Variants in COL26A1 observed in about 807,000 individuals in gnomAD.
COL26A1 encodes the protein collagen alpha-1(XXVI) chain.
Under a neutral mutation model 59.3 loss-of-function variants are expected in COL26A1, and 41 were observed. The observed-to-expected ratio is 0.69, with a 90% CI of 0.54 to 0.90. The LOEUF (loss-of-function observed/expected upper bound fraction) is 0.90, where lower values mean the gene tolerates loss of function less well. Ranked by LOEUF, COL26A1 falls within the 40% of genes least tolerant of loss-of-function variation. The pLI, the probability that COL26A1 is intolerant of heterozygous loss-of-function variation, is 0.00. For missense variants in COL26A1, 612 were observed against 602.3 expected (o/e 1.02, Z -0.17); for synonymous variants, 266 against 256.0 (o/e 1.04, Z -0.37).
At chr7:101,519,488 G>GGT (rs1795096225) in intron 3 of COL26A1, among the ~76,000 whole-genome samples, 1 of 152,120 alleles carries the variant, frequency 6.6e-6, no homozygotes, top group South Asian at 2.1e-4. Context: ...AGAGGCTGCC[G>GGT]GGCCCTGCTG....
At chr7:101,405,553 A>G (rs6956534) in intron 1 of COL26A1, among the ~76,000 whole-genome samples, 3 of 151,560 alleles carry the variant, frequency 2.0e-5, no homozygotes, top group African/African-American at 7.3e-5. Flanking sequence ...CTAAATCCTG[A>G]TTGTCCCTGA....
At chr7:101,469,902 C>G (rs1793853276) in intron 3 of COL26A1, among the ~76,000 whole-genome samples, 1 of 152,090 alleles carries the variant, frequency 6.6e-6, no homozygotes, top group Admixed American at 6.6e-5. Flanking sequence ...ACTTGAGTAG[C>G]AGCCAACTGG....
rs1639347756 is a variant in COL26A1, at chr7:101,489,605, CTTTCTT to C, written c.385+41820_385+41825del. Among the ~76,000 whole-genome samples the C allele has an allele frequency of 1.1e-4, 3 of 28,112 alleles. 1 individual carries two copies. The highest frequency in any genetic ancestry group is 6.9e-4 in the African/African-American group (2 of 2,892). 18.4% of individuals were successfully genotyped at this position (28,112 alleles called of 152,430 possible). A position where few individuals can be genotyped will look rare whatever the true frequency, so the allele number is the denominator to read the frequency against. On this transcript the variant is annotated intron_variant, in intron 3 of 12. Transcript: ENST00000313669. ...ACACTCGGCTATTTTCTTTCTTTTTCTTTCTTTCTTTCTTTCTTTCTTTCTTTCTTT... is the reference window on the plus strand; with the variant it reads ...ACACTCGGCTATTTTCTTTCTTTTTCTCTTTCTTTCTTTCTTTCTTTCTTT...
At chr7:101,468,830 C>T (rs1039588228) in intron 3 of COL26A1, among the ~76,000 whole-genome samples, 1 of 152,200 alleles carries the variant, frequency 6.6e-6, no homozygotes, top group South Asian at 2.1e-4. Context: ...AAGCCCTTGG[C>T]GCTCAGCTGA....
At chr7:101,412,417 G>C (rs901240675) in intron 1 of COL26A1, among the ~76,000 whole-genome samples, 1 of 152,104 alleles carries the variant, frequency 6.6e-6, no homozygotes, top group African/African-American at 2.4e-5. Context: ...GGCCCAGGCG[G>C]GCAGATCATT....
intron 1 of COL26A1, among the ~76,000 whole-genome samples, chr7:101,407,132 T>A (rs948791999): frequency 6.6e-6 from 1 of 152,066 alleles, no homozygotes. Context: ...GGGCAGCCCA[T>A]TGCACTTGTG....
chr7:101,538,470 CCT>C (rs1383236197), intron 4 of COL26A1, among the ~76,000 whole-genome samples: 1 of 152,228 alleles, frequency 6.6e-6, no homozygotes, highest in Non-Finnish European at 1.5e-5. Flanking sequence ...AGTCTCTGAG[CCT>C]CTGTCTCCAC....
chr7:101,365,245 T>C (rs978000290), intron 1 of COL26A1, among the ~76,000 whole-genome samples: 1 of 152,094 alleles, frequency 6.6e-6, no homozygotes, highest in African/African-American at 2.4e-5. Flanking sequence ...TACAGAATAA[T>C]ATATACAGCA....
At chr7:101,553,214 C>T in intron 10 of COL26A1, 112 bp from the exon 11 acceptor site, 1 of 946,968 alleles carries the variant, frequency 1.1e-6, no homozygotes, top group Non-Finnish European at 1.7e-6. Context: ...GTTTCCCAGG[C>T]CCTGCCTGCC....
At chr7:101,547,752 TATTC>T (rs927078535) in intron 8 of COL26A1, among the ~76,000 whole-genome samples, 7 of 152,218 alleles carry the variant, frequency 4.6e-5, no homozygotes, top group African/African-American at 1.7e-4. Context: ...TTCATTCTTT[TATTC>T]ATTCATTTAT....
At chr7:101,387,630 G>A (rs7788408) in intron 1 of COL26A1, among the ~76,000 whole-genome samples, 7,203 of 132,246 alleles carry the variant, frequency 0.054, 226 homozygotes, top group East Asian at 0.087. Flanking sequence ...TCTCTCTCTC[G>A]CTCTCTCTCT....
chr7:101,550,035 T>C (rs943015686), intron 9 of COL26A1, among the ~76,000 whole-genome samples: 5 of 151,800 alleles, frequency 3.3e-5, no homozygotes, highest in Non-Finnish European at 7.4e-5. Flanking sequence ...AGCAATGGAG[T>C]GTGTGGTGTC....
At position 101,464,626 on chromosome 7, in the gene COL26A1, G is replaced by T. The variant is rs1352892493; in HGVS notation, c.385+16839G>T. Reference sequence around the variant, plus strand: ...AGGTTTCTCCATGTTGGTCAGGCTGGTCTTGAACTCCTGACCTCAGGTGAT... The same window carrying T: ...AGGTTTCTCCATGTTGGTCAGGCTGTTCTTGAACTCCTGACCTCAGGTGAT... On this transcript the variant is annotated intron_variant, in intron 3 of 12. Coordinates refer to ENST00000313669, the MANE Select transcript of COL26A1 (RefSeq NM_001278563.3). 2.6e-5 allele frequency among the ~76,000 whole-genome samples: 4 copies of T among 151,952 alleles called. No individual in the cohort carries two copies. In the East Asian group the frequency reaches 7.8e-4, roughly 29 times the overall value.
intron 5 of COL26A1, among the ~76,000 whole-genome samples, chr7:101,542,636 C>T (rs1795640467): frequency 6.6e-6 from 1 of 152,194 alleles, no homozygotes; most frequent in Admixed American, 6.5e-5. Flanking sequence ...AGGGGCAGAG[C>T]AGGGAGGAGA....
intron 1 of COL26A1, among the ~76,000 whole-genome samples, chr7:101,416,068 G>A (rs1277106089): frequency 7.0e-6 from 1 of 143,360 alleles, no homozygotes; most frequent in African/African-American, 2.5e-5. Context: ...ATCTCTATAT[G>A]GAATTTTTTT....
intron 1 of COL26A1, among the ~76,000 whole-genome samples, chr7:101,388,053 T>C (rs1465344419): frequency 1.4e-5 from 2 of 145,664 alleles, no homozygotes; most frequent in Non-Finnish European, 1.5e-5. Context: ...CGTGAGCCAC[T>C]GCGCCCTGCC....
chr7:101,413,221 A>G (rs1361630581), intron 1 of COL26A1, among the ~76,000 whole-genome samples: 1 of 152,042 alleles, frequency 6.6e-6, no homozygotes, highest in Non-Finnish European at 1.5e-5. Flanking sequence ...GCCTCTTGCA[A>G]GAAAAAGAGA....
chr7:101,551,226 T>TG (rs1795855699), intron 10 of COL26A1, 83 bp downstream of exon 10: 4 of 473,642 alleles, frequency 8.4e-6, no homozygotes, highest in Admixed American at 2.8e-5. Flanking sequence ...GTGGCGGGGG[T>TG]TGGTGGGGGG....
chr7:101,534,912 C>T (rs1032275342), intron 4 of COL26A1, among the ~76,000 whole-genome samples: 8 of 152,186 alleles, frequency 5.3e-5, no homozygotes, highest in African/African-American at 7.2e-5. Flanking sequence ...CAGTGGGAAC[C>T]GGCTTTGGAA....
Sources: allele counts gnomAD v4.1 joint callset (sites outside exome capture counted in the v4.1 genomes callset), GRCh38; gene constraint gnomAD v4.1.1; transcripts MANE v1.5; gene names NCBI Gene and HGNC (gene_info 2026-07-23, HGNC 2026-07-21).